Variants in MRPL55 observed in about 807,000 individuals in gnomAD.
The protein encoded by MRPL55 is mitochondrial ribosomal protein L55.
Under a neutral mutation model 10.6 loss-of-function variants are expected in MRPL55, and 7 were observed. The observed-to-expected ratio is 0.66, with a 90% CI of 0.38 to 1.24. The LOEUF (loss-of-function observed/expected upper bound fraction) is 1.24. MRPL55 is among the 50% of genes most tolerant of loss of function. MRPL55 has a pLI of 0.02. For synonymous variants in MRPL55, 57 were observed against 71.8 expected (o/e 0.79, Z 1.04); for missense variants, 148 against 180.3 (o/e 0.82, Z 1.03).
rs1385514267 is a variant in MRPL55, at chr1:228,107,745, G to A, written c.151C>T (p.Leu51Phe). ...TRVHRQAYARLYPVLLVKQDG... is the reference protein window; with the variant it reads ...TRVHRQAYARFYPVLLVKQDG... ...TGCTTCACCAGCAGCACGGGGTAGA[G>A]TCGTGCATAAGCCTGGCGGTGCACA... The change falls in exon 4 of 5, where the codon CTC becomes TTC. Residue 51 changes from leucine to phenylalanine, a missense_variant. Transcript: ENST00000336520. 4.3e-6 allele frequency: 7 copies of A among 1,613,168 alleles called. No individual in the cohort carries two copies. In the African/African-American group the frequency reaches 6.7e-5, roughly 15 times the overall value.
intron 2 of MRPL55, 83 bp from the exon 3 acceptor site, chr1:228,108,401 T>C (rs764900372): frequency 1.1e-6 from 1 of 931,538 alleles, no homozygotes; most frequent in Non-Finnish European, 1.6e-6. Flanking sequence ...CAGCCCAGGA[T>C]GCTTCCAAGA....
chr1:228,108,249 C>T lies in MRPL55; in HGVS notation c.12G>A (p.Val4=), dbSNP rs374916975. MAA[V]GSLLGRLRQS... ...TCCATGCTTACCCAAGCAGGCTGCC[C>T]ACGGCCGCCATTCCTCCTTACAGCC... is the stretch of plus-strand genomic sequence containing the variant. Residue 4 remains valine, a synonymous_variant, in exon 3 of 5, where the codon GTG becomes GTA. Transcript: ENST00000336520. 1.2e-6 allele frequency: 2 copies of T among 1,610,992 alleles called. No homozygotes were observed. Among genetic ancestry groups the T allele is most frequent in the Non-Finnish European group, 1.7e-6 (2 of 1,179,106 alleles).
rs747426759 is a variant in MRPL55, at chr1:228,106,897, G to A, written c.250C>T (p.Leu84=). ...CTGGCCCGGCGCTCCTCAGGAGACA[G>A]GGTGTCCAGATCTATGGGCATCTGC... ...MLAMPIDLDT[L]SPEERRARLR... The change falls in exon 5 of 5, where the codon CTG becomes TTG. Residue 84 remains leucine, a synonymous_variant. Transcript: ENST00000336520. 4 of 1,613,440 alleles carry A rather than the reference G, an allele frequency of 2.5e-6. 1 individual carries two copies. The African/African-American group carries it at 4.0e-5, about 16-fold the overall frequency.
intron 4 of MRPL55, among the ~76,000 whole-genome samples, chr1:228,107,408 A>G (rs2033249487): frequency 6.6e-6 from 1 of 152,230 alleles, no homozygotes; most frequent in Non-Finnish European, 1.5e-5. Flanking sequence ...TGGTTGACAG[A>G]GCAAGACCCT....
At chr1:228,108,044 C>T in intron 3 of MRPL55, 175 bp from the exon 4 acceptor site, 3 of 1,544,346 alleles carry the variant, frequency 1.9e-6, no homozygotes, top group Middle Eastern at 1.7e-4. Flanking sequence ...AGGCTGTGGT[C>T]AGAGGCGTTC....
chr1:228,107,982 C>A (rs746204216), intron 3 of MRPL55, 113 bp from the exon 4 acceptor site: 118 of 1,549,666 alleles, frequency 7.6e-5, no homozygotes, highest in Non-Finnish European at 9.3e-5. Context: ...ATTACCAGAG[C>A]TGGTGACCCG....
intron 3 of MRPL55, 128 bp from the exon 4 acceptor site, chr1:228,107,997 G>A (rs760017667): frequency 4.2e-5 from 65 of 1,545,154 alleles, no homozygotes; most frequent in Middle Eastern, 1.7e-4. Flanking sequence ...GACCCGTGCC[G>A]GGGCAGGATG....
rs962367443 is a variant in MRPL55, at chr1:228,109,286, C to G, written c.-263G>C. The G allele has an allele frequency of 4.6e-5, 7 of 152,774 alleles. No homozygotes were observed. The highest frequency in any genetic ancestry group is 1.7e-4 in the African/African-American group (7 of 41,540). 9.5% of individuals were successfully genotyped at this position (152,774 alleles called of 1,614,324 possible). A position where few individuals can be genotyped will look rare whatever the true frequency, so the allele number is the denominator to read the frequency against. On this transcript the variant is annotated 5_prime_UTR_variant, in exon 1 of 5. Transcript: ENST00000336520. ...TGCGTTGGGTGCTGCTGCGCTGCAGCCCACGACGTCACTGGCAGGCGCTGC... is the reference window on the plus strand; with the variant it reads ...TGCGTTGGGTGCTGCTGCGCTGCAGGCCACGACGTCACTGGCAGGCGCTGC...
intron 4 of MRPL55, among the ~76,000 whole-genome samples, chr1:228,107,278 G>T (rs2033227975): frequency 6.6e-6 from 1 of 152,120 alleles, no homozygotes; most frequent in Non-Finnish European, 1.5e-5. Flanking sequence ...CAAAAAATTA[G>T]TGAGGCATGG....
intron 4 of MRPL55, among the ~76,000 whole-genome samples, chr1:228,107,261 T>C (rs1168296316): frequency 6.6e-6 from 1 of 151,934 alleles, no homozygotes; most frequent in African/African-American, 2.4e-5. Flanking sequence ...TCTACAAAAA[T>C]ATCTTTCAAA....
intron 3 of MRPL55, 88 bp from the exon 4 acceptor site, chr1:228,107,957 C>A (rs777047506): frequency 6.4e-7 from 1 of 1,565,806 alleles, no homozygotes; most frequent in South Asian, 1.2e-5. Flanking sequence ...TGGGCACTGC[C>A]GGGCCACAGG....
At chr1:228,108,168 T>A (rs767811995) in intron 3 of MRPL55, 67 bp downstream of exon 3, 1 of 1,567,688 alleles carries the variant, frequency 6.4e-7, no homozygotes, top group East Asian at 2.3e-5. Flanking sequence ...GGTTTCCTGC[T>A]GAAGAGAGGG....
At position 228,107,731 on chromosome 1, in the gene MRPL55, C is replaced by G; in HGVS notation, c.165G>C (p.Leu55=). 1 of 1,613,282 alleles carries G rather than the reference C, an allele frequency of 6.2e-7. No individual in the cohort carries two copies. The highest frequency in any genetic ancestry group is 1.3e-5 in the African/African-American group (1 of 75,084). The change falls in exon 4 of 5, where the codon CTG becomes CTC. Residue 55 remains leucine (L), a synonymous_variant. Transcript: ENST00000336520. ...TGGTGGAGCCATCCTGCTTCACCAG[C>G]AGCACGGGGTAGAGTCGTGCATAAG... ...RQAYARLYPV[L]LVKQDGSTIH...
At position 228,106,882 on chromosome 1, in the gene MRPL55, G is replaced by A. The variant is rs1341177850; in HGVS notation, c.265C>T (p.Arg89Cys). 7.4e-6 allele frequency: 12 copies of A among 1,613,552 alleles called. No homozygotes were observed. Among genetic ancestry groups the A allele is most frequent in the East Asian group, 2.2e-5 (1 of 44,886 alleles). ...IDLDTLSPEE[R>C]RARLRKREAQ... Reference sequence around the variant, plus strand: ...TCACGCTTCCGCAGCCTGGCCCGGCGCTCCTCAGGAGACAGGGTGTCCAGA... The same window carrying A: ...TCACGCTTCCGCAGCCTGGCCCGGCACTCCTCAGGAGACAGGGTGTCCAGA... Residue 89 changes from arginine (R) to cysteine (C), a missense_variant, in exon 5 of 5, where the codon CGC becomes TGC. Coordinates refer to ENST00000336520, the MANE Select transcript of MRPL55 (RefSeq NM_181463.3).
intron 4 of MRPL55, 56 bp from the exon 5 acceptor site, chr1:228,106,974 TG>T: frequency 3.3e-6 from 5 of 1,496,582 alleles, no homozygotes; most frequent in Non-Finnish European, 3.7e-6. Context: ...TGAGAGCTAC[TG>T]GGGGGACAGC....
Position 228,107,826 on chromosome 1 carries a change from G to A in MRPL55, c.70C>T (p.Arg24Cys), listed in dbSNP as rs822730. Residue 24 changes from arginine to cysteine, a missense_variant, in exon 4 of 5, where the codon CGC becomes TGC. By Grantham distance (180) the Arg-to-Cys change is radical. Coordinates refer to ENST00000336520, the MANE Select transcript of MRPL55 (RefSeq NM_181463.3). ...STVKATGPAL[R>C]RLHTSSWRAD... Reference sequence around the variant, plus strand: ...CGCCAGGAGGATGTGTGCAGGCGGCGGAGTGCAGGTCCGGTGGCCTTCACG... The same window carrying A: ...CGCCAGGAGGATGTGTGCAGGCGGCAGAGTGCAGGTCCGGTGGCCTTCACG... The A allele has an allele frequency of 0.011, 17,054 of 1,613,102 alleles. 1,477 individuals are homozygous for A. In the African/African-American group the frequency reaches 0.19, roughly 18 times the overall value.
In MRPL55 at chr1:228,106,923, A is replaced by AG. The variant is rs1294326470; in HGVS notation, c.229-6dup. 6.2e-7 allele frequency: 1 copy of AG among 1,611,798 alleles called. No homozygotes were observed. Among genetic ancestry groups the AG allele is most frequent in the African/African-American group, 1.3e-5 (1 of 74,920 alleles). ...GGTGTCCAGATCTATGGGCATCTGCAGGGGACAGACCAAGTTTCGTCCATG... is the reference window on the plus strand; with the variant it reads ...GGTGTCCAGATCTATGGGCATCTGCAGGGGGACAGACCAAGTTTCGTCCATG... On this transcript the variant is annotated splice_region_variant and splice_polypyrimidine_tract_variant and intron_variant, in intron 4 of 4. Coordinates refer to ENST00000336520, the MANE Select transcript of MRPL55 (RefSeq NM_181463.3).
rs368886405 is a variant in MRPL55, at chr1:228,107,907, G to A, written c.27-38C>T. 1.9e-4 allele frequency: 302 copies of A among 1,606,082 alleles called. 1 individual carries two copies. Among genetic ancestry groups the A allele is most frequent in the Middle Eastern group, 8.3e-4 (5 of 6,054 alleles). ...GTTCAAGCTCTGGTCAGCCGACAGT[G>A]CTGCAGCAGAGTGCCAACATGACTG... On this transcript the variant is annotated intron_variant, in intron 3 of 4. Coordinates refer to ENST00000336520, the MANE Select transcript of MRPL55 (RefSeq NM_181463.3).
At chr1:228,107,928 G>A (rs777172068) in intron 3 of MRPL55, 59 bp from the exon 4 acceptor site, 3 of 1,594,512 alleles carry the variant, frequency 1.9e-6, no homozygotes, top group East Asian at 4.5e-5. Flanking sequence ...GTGCCAACAT[G>A]ACTGAGGCTG....
Sources: gnomAD v4.1 joint callset for allele counts (sites outside exome capture counted in the v4.1 genomes callset) on GRCh38, gnomAD v4.1.1 for gene constraint, MANE v1.5 for transcripts, NCBI Gene and HGNC (gene_info 2026-07-23, HGNC 2026-07-21) for gene names.